Variants in KRT78 observed in about 807,000 individuals in gnomAD.
KRT78 encodes keratin 78, also known as keratin, type II cytoskeletal 78.
A neutral mutation model predicts 51.4 loss-of-function variants in KRT78; 55 were observed. That is an observed-to-expected ratio of 1.07 (90% confidence interval 0.86 to 1.34). The LOEUF is 1.34. Among genes scored for constraint, KRT78 ranks in the 40% most tolerant of loss-of-function variants. The pLI is 0.00. For synonymous variants in KRT78, 291 were observed against 264.3 expected (o/e 1.10, Z -0.98); for missense variants, 652 against 649.4 (o/e 1.00, Z -0.04).
Position 52,839,177 on chromosome 12 carries a change from G to A in KRT78, c.1499C>T (p.Ser500Phe), listed in dbSNP as rs758023112. ...CTTCTTCAGGATGGTGTGGCAGCTG[G>A]AGCCAGCGCTGGAGCCAGACACAGA... ...SCSVSGSSAG[S>F]SCHTILKKTV... The change falls in exon 9 of 9, where the codon TCC becomes TTC. Residue 500 changes from serine (S) to phenylalanine (F), a missense_variant. By Grantham distance (155) the Ser-to-Phe change is radical. Transcript: ENST00000304620. 1 of 1,613,074 alleles carries A rather than the reference G, an allele frequency of 6.2e-7. No homozygotes were observed. Among genetic ancestry groups the A allele is most frequent in the Admixed American group, 1.7e-5 (1 of 59,968 alleles).
At chr12:52,846,977 C>G (rs1290364585) in intron 2 of KRT78, among the ~76,000 whole-genome samples, 153 bp from the exon 3 acceptor site, 1 of 152,348 alleles carries the variant, frequency 6.6e-6, no homozygotes, top group South Asian at 2.1e-4. Context: ...CCTGCCACGT[C>G]CTAGCTATGT....
rs370460153 is a variant in KRT78 at position 52,839,937 on chromosome 12, C to T, written c.1095G>A (p.Glu365=). ...AAITDAEQRG[E]LALKDAQAKV... The stretch of plus-strand genomic sequence containing the variant: ...TGGCCTGAGCGTCCTTGAGGGCCAG[C>T]TCCCCACGCTGCTCAGCATCAGTGA... Residue 365 remains glutamate (E), a synonymous_variant, in exon 7 of 9, where the codon GAG becomes GAA. Transcript: ENST00000304620. The T allele has an allele frequency of 1.8e-5, 29 of 1,614,072 alleles. No homozygotes were observed. The highest frequency in any genetic ancestry group is 2.3e-5 in the Non-Finnish European group (27 of 1,180,014).
rs141827848 is a variant in KRT78, at chr12:52,838,389, C to A, written c.*724G>T. The A allele has an allele frequency of 1.3e-5, 2 of 152,410 alleles. No individual in the cohort carries two copies. The highest frequency in any genetic ancestry group is 4.8e-5 in the African/African-American group (2 of 41,512). 9.4% of individuals were successfully genotyped at this position (152,410 alleles called of 1,614,324 possible). The stretch of plus-strand genomic sequence containing the variant: ...ACTTGCCCAAGGATAAGATGAGAGC[C>A]AACAGATAAGGGGGTAGGGGCAGAG... On this transcript the variant is annotated 3_prime_UTR_variant, in exon 9 of 9. Coordinates refer to ENST00000304620, the MANE Select transcript of KRT78 (RefSeq NM_173352.4).
intron 6 of KRT78, among the ~76,000 whole-genome samples, chr12:52,842,036 C>G (rs1177658922): frequency 6.6e-6 from 1 of 152,160 alleles, no homozygotes; most frequent in Non-Finnish European, 1.5e-5. Flanking sequence ...AATAGCCACC[C>G]CAGAGGACTC....
chr12:52,839,402 G>A (rs1940427142), intron 8 of KRT78, 30 bp from the exon 9 acceptor site: 3 of 1,612,236 alleles, frequency 1.9e-6, no homozygotes, highest in Non-Finnish European at 2.5e-6. Flanking sequence ...GTCAGAGCAG[G>A]GTCATCAGCT....
Position 52,844,075 on chromosome 12 carries a change from G to T in KRT78, c.1047+18C>A. On this transcript the variant is annotated intron_variant, in intron 6 of 8. Coordinates refer to ENST00000304620, the MANE Select transcript of KRT78 (RefSeq NM_173352.4). ...ACAAAGGCAATGAGAGGACATTTGG[G>T]GGTCTCTGGGAATCTACCTGCTTCT... The T allele has an allele frequency of 6.2e-7, 1 of 1,611,796 alleles. No individual in the cohort carries two copies.
chr12:52,847,915 A>G lies in KRT78; in HGVS notation c.591T>C (p.Tyr197=), dbSNP rs1167334719. ...AATTTCAGTGTGCCTACTTGGACTT[A>G]TACTCCTCCTCCTGGTCCCGGCAGG... ...LKACRDQEEE[Y]KSKYEEEAHR... is the part of the protein sequence containing the mutation. The change falls in exon 2 of 9, where the codon TAT becomes TAC. Residue 197 remains tyrosine, a synonymous_variant. Coordinates refer to ENST00000304620, the MANE Select transcript of KRT78 (RefSeq NM_173352.4). 6.2e-7 allele frequency: 1 copy of G among 1,613,932 alleles called. No homozygotes were observed. The highest frequency in any genetic ancestry group is 1.3e-5 in the African/African-American group (1 of 75,008).
In KRT78 at chr12:52,848,098, G is replaced by A. The variant is rs376235615; in HGVS notation, c.408C>T (p.Asn136=). The A allele has an allele frequency of 1.9e-6, 3 of 1,614,158 alleles. No homozygotes were observed. Among genetic ancestry groups the A allele is most frequent in the Non-Finnish European group, 2.5e-6 (3 of 1,180,030 alleles). The change falls in exon 2 of 9, where the codon AAC becomes AAT. Residue 136 remains asparagine, a synonymous_variant. Transcript: ENST00000304620. Reference sequence around the variant, plus strand: ...GATGCCACTTCGTCTCCAGGACCTTGTTCTGCTGCTCCAGGAACCGCACCT... The same window carrying A: ...GATGCCACTTCGTCTCCAGGACCTTATTCTGCTGCTCCAGGAACCGCACCT... ...IDKVRFLEQQ[N]KVLETKWHLL...
chr12:52,846,983 T>A (rs1259479930), intron 2 of KRT78, among the ~76,000 whole-genome samples, 159 bp from the exon 3 acceptor site: 2 of 152,234 alleles, frequency 1.3e-5, no homozygotes, highest in South Asian at 2.1e-4. Context: ...ACGTCCTAGC[T>A]ATGTACCTGT....
intron 6 of KRT78, among the ~76,000 whole-genome samples, chr12:52,842,961 G>GAGAGAGAGAGAGA (rs1217222099): frequency 3.5e-5 from 1 of 28,864 alleles, no homozygotes; most frequent in African/African-American, 1.7e-4. Flanking sequence ...GAGAGAGAGA[G>GAGAGAGAGAGAGA]GAAGGAAGGA....
chr12:52,839,054 G>A lies in KRT78; in HGVS notation c.*59C>T. The A allele has an allele frequency of 6.4e-7, 1 of 1,569,076 alleles. No homozygotes were observed. Among genetic ancestry groups the A allele is most frequent in the South Asian group, 1.2e-5 (1 of 83,738 alleles). On this transcript the variant is annotated 3_prime_UTR_variant, in exon 9 of 9. Coordinates refer to ENST00000304620, the MANE Select transcript of KRT78 (RefSeq NM_173352.4). ...GCGGACACGGAGTTGGCCTTGCAGA[G>A]CCGGCTGATGGGGGGAGTGGGCCAA...
intron 2 of KRT78, 123 bp downstream of exon 2, chr12:52,847,784 A>G: frequency 1.3e-6 from 1 of 773,882 alleles, no homozygotes; most frequent in Non-Finnish European, 2.1e-6. Flanking sequence ...GCGGAGGGGT[A>G]GAGGGGAGGC....
chr12:52,844,012 GGAGA>G (rs954989524), intron 6 of KRT78, 77 bp downstream of exon 6: 1 of 1,556,970 alleles, frequency 6.4e-7, no homozygotes, highest in African/African-American at 1.4e-5. Context: ...CAACCCAACT[GGAGA>G]GAGAAGCTAG....
chr12:52,840,410 G>A (rs906905190), intron 6 of KRT78, among the ~76,000 whole-genome samples: 2 of 152,116 alleles, frequency 1.3e-5, no homozygotes, highest in Non-Finnish European at 2.9e-5. Context: ...CTCATCAGAA[G>A]AGAGAGGCAG....
In KRT78 at chr12:52,839,130, T is replaced by G. The variant is rs1365443139; in HGVS notation, c.1546A>C (p.Thr516Pro). The stretch of plus-strand genomic sequence containing the variant: ...TGGGTCGCTCAGTAGGTGATGGATG[T>G]CTTCAGACTCGACTCAACTGTCTTC... ...LKKTVESSLK[T>P]SITY Residue 516 changes from threonine (T) to proline (P), a missense_variant, in exon 9 of 9, where the codon ACA becomes CCA. Physicochemically the swap from Thr to Pro is conservative, Grantham distance 38. Coordinates refer to ENST00000304620, the MANE Select transcript of KRT78 (RefSeq NM_173352.4). The G allele has an allele frequency of 3.1e-6, 5 of 1,613,106 alleles. No homozygotes were observed. The highest frequency in any genetic ancestry group is 4.2e-6 in the Non-Finnish European group (5 of 1,179,802).
In KRT78 at chr12:52,848,851, CT is replaced by C. The variant is rs1565702523; in HGVS notation, c.79del (p.Arg27GlyfsTer60). The C allele has an allele frequency of 6.2e-7, 1 of 1,613,036 alleles. No individual in the cohort carries two copies. Among genetic ancestry groups the C allele is most frequent in the Admixed American group, 1.7e-5 (1 of 59,884 alleles). On this transcript the variant is annotated frameshift_variant, in exon 1 of 9. Coordinates refer to ENST00000304620, the MANE Select transcript of KRT78 (RefSeq NM_173352.4). LOFTEE classifies it high-confidence loss of function. ...ACSARSRGRS[R>X]GGFSSRGGFS... ...GCCGCCCCTGCTGCTGAAGCCTCCCCTGCTGCGGCCCCTTGAGCGAGCAGAA... is the reference window on the plus strand; with the variant it reads ...GCCGCCCCTGCTGCTGAAGCCTCCCCGCTGCGGCCCCTTGAGCGAGCAGAA...
At position 52,846,780 on chromosome 12, in the gene KRT78, A is replaced by G. The variant is rs1940653048; in HGVS notation, c.644T>C (p.Phe215Ser). ...CACCCTCACCTTCTTGAGGACCACA[A>G]AGTCGTTCTCAAGTGTGGCACGCCT... is the stretch of plus-strand genomic sequence containing the variant. ...AHRRATLEND[F>S]VVLKKDVDGV... The change falls in exon 3 of 9, where the codon TTT (phenylalanine) becomes TCT (serine). Residue 215 changes from phenylalanine (F) to serine (S), a missense_variant. Phe to Ser is a radical substitution (Grantham distance 155). Transcript: ENST00000304620. 2 of 1,613,700 alleles carry G rather than the reference A, an allele frequency of 1.2e-6. No individual in the cohort carries two copies. The highest frequency in any genetic ancestry group is 1.3e-5 in the African/African-American group (1 of 74,932).
Position 52,839,147 on chromosome 12 carries a change from A to C in KRT78, c.1529T>G (p.Val510Gly), listed in dbSNP as rs150326311. 5 of 1,613,446 alleles carry C rather than the reference A, an allele frequency of 3.1e-6. No individual in the cohort carries two copies. The highest frequency in any genetic ancestry group is 4.2e-6 in the Non-Finnish European group (5 of 1,179,880). ...SSCHTILKKT[V>G]ESSLKTSITY ...GATGGATGTCTTCAGACTCGACTCA[A>C]CTGTCTTCTTCAGGATGGTGTGGCA... The change falls in exon 9 of 9, where the codon GTT becomes GGT. Residue 510 changes from valine to glycine, a missense_variant. By Grantham distance (109) the Val-to-Gly change is moderately radical. Transcript: ENST00000304620.
chr12:52,839,490 A>AT lies in KRT78; in HGVS notation c.1269-4_1269-3insA. 1 of 1,589,382 alleles carries AT rather than the reference A, an allele frequency of 6.3e-7. No homozygotes were observed. ...GGCTGGTGCACTCCCCAGACATCCT[A>AT]GGGGGAAAAGGACAAGAGGGGGATG... On this transcript the variant is annotated splice_polypyrimidine_tract_variant and splice_region_variant and intron_variant, in intron 7 of 8. Coordinates refer to ENST00000304620, the MANE Select transcript of KRT78 (RefSeq NM_173352.4).
Sources: allele counts gnomAD v4.1 joint callset (sites outside exome capture counted in the v4.1 genomes callset), GRCh38; gene constraint gnomAD v4.1.1; transcripts MANE v1.5; gene names NCBI Gene and HGNC (gene_info 2026-07-23, HGNC 2026-07-21).